Variants in CHN1 observed in about 807,000 individuals in gnomAD.
CHN1 encodes chimerin 1.
In CHN1, 37 loss-of-function variants were observed where a neutral mutation model predicts 59.5. The ratio of observed to expected loss-of-function variants is 0.62; its 90% CI spans 0.48 to 0.82. The LOEUF (loss-of-function observed/expected upper bound fraction) is 0.82, where lower values mean the gene tolerates loss of function less well. Among genes scored for constraint, CHN1 ranks in the 40% least tolerant of loss-of-function variants. The pLI is 0.00. For synonymous variants in CHN1, 206 were observed against 200.4 expected (o/e 1.03, Z -0.24); for missense variants, 469 against 571.0 (o/e 0.82, Z 1.82).
chr2:175,003,482 G>A (rs1258527469), intron 1 of CHN1, among the ~76,000 whole-genome samples: 1 of 152,108 alleles, frequency 6.6e-6, no homozygotes, highest in Non-Finnish European at 1.5e-5. Flanking sequence ...GCGAGTATTT[G>A]AAAAGTTGAC....
chr2:174,960,200 A>C (rs73031942), intron 1 of CHN1, among the ~76,000 whole-genome samples: 52 of 152,320 alleles, frequency 3.4e-4, no homozygotes, highest in African/African-American at 1.3e-3. Flanking sequence ...CAGCAGTTCT[A>C]TTTTTAGAAA....
intron 3 of CHN1, among the ~76,000 whole-genome samples, chr2:174,937,853 C>G (rs936585660): frequency 1.2e-4 from 19 of 152,130 alleles, no homozygotes; most frequent in African/African-American, 4.6e-4. Flanking sequence ...TCCACCATGA[C>G]TGTGAGCTTC....
chr2:174,859,171 G>C (rs1686996135), intron 6 of CHN1, among the ~76,000 whole-genome samples: 1 of 152,234 alleles, frequency 6.6e-6, no homozygotes, highest in Admixed American at 6.5e-5. Context: ...ACAGTGACTA[G>C]GGATGTGCAT....
At chr2:174,915,016 T>C in intron 5 of CHN1, 42 bp downstream of exon 5, 6 of 1,221,934 alleles carry the variant, frequency 4.9e-6, no homozygotes, top group Non-Finnish European at 7.0e-6. Context: ...ATTAAGAGAG[T>C]TTTAAATAAA....
At chr2:174,916,183 C>T (rs1189641365) in intron 4 of CHN1, among the ~76,000 whole-genome samples, 2 of 152,184 alleles carry the variant, frequency 1.3e-5, no homozygotes, top group East Asian at 3.9e-4. Context: ...ACAACACATT[C>T]ATACAAACTC....
At chr2:174,921,123 A>G in intron 3 of CHN1, 2 of 336,354 alleles carry the variant, frequency 5.9e-6, no homozygotes, top group Non-Finnish European at 1.3e-5. Context: ...CTCACCTACC[A>G]TTCACCTCCT....
rs1689782324 is a variant in CHN1 at position 174,944,956 on chromosome 2, A to G, written c.59-13T>C. 2 of 1,557,756 alleles carry G rather than the reference A, an allele frequency of 1.3e-6. No individual in the cohort carries two copies. The highest frequency in any genetic ancestry group is 1.7e-6 in the Non-Finnish European group (2 of 1,147,660). On this transcript the variant is annotated splice_polypyrimidine_tract_variant and intron_variant, in intron 2 of 12. Transcript: ENST00000409900. The stretch of plus-strand genomic sequence containing the variant: ...TGTAGCTGATATACTGTGAGAAGGT[A>G]GAAACAAAAAGTGTCAATGTCCCTT...
chr2:174,968,295 T>G (rs985113622), intron 1 of CHN1, among the ~76,000 whole-genome samples: 1 of 151,694 alleles, frequency 6.6e-6, no homozygotes. Context: ...ACTCAGTCAC[T>G]AAGGAAAAAA....
chr2:174,995,977 ATC>A (rs1188975480), intron 1 of CHN1, among the ~76,000 whole-genome samples: 1 of 152,124 alleles, frequency 6.6e-6, no homozygotes, highest in Non-Finnish European at 1.5e-5. Context: ...GTTACTGTTA[ATC>A]TCTTACTGTA....
At chr2:174,803,769 G>A (rs1383377999) in intron 11 of CHN1, among the ~76,000 whole-genome samples, 1 of 152,092 alleles carries the variant, frequency 6.6e-6, no homozygotes, top group Non-Finnish European at 1.5e-5. Flanking sequence ...GCCCAGGCTG[G>A]TCTCAAACTC....
chr2:174,987,854 A>G (rs1331521500), intron 1 of CHN1, among the ~76,000 whole-genome samples: 8 of 152,152 alleles, frequency 5.3e-5, no homozygotes, highest in Non-Finnish European at 1.2e-4. Flanking sequence ...TGGCAATTTT[A>G]TATAGATGTG....
At chr2:174,871,539 C>T (rs1402148126) in intron 6 of CHN1, among the ~76,000 whole-genome samples, 1 of 152,042 alleles carries the variant, frequency 6.6e-6, no homozygotes, top group East Asian at 1.9e-4. Context: ...GGGAAAAAAG[C>T]CTTGAAACTG....
chr2:174,891,827 C>A (rs1374381415), intron 5 of CHN1, among the ~76,000 whole-genome samples: 3 of 151,696 alleles, frequency 2.0e-5, no homozygotes, highest in African/African-American at 2.4e-5. Context: ...GGAAAAAAAA[C>A]CAACTATGAG....
intron 10 of CHN1, among the ~76,000 whole-genome samples, chr2:174,810,385 T>C (rs1359771323): frequency 6.6e-6 from 1 of 152,200 alleles, no homozygotes; most frequent in Admixed American, 6.5e-5. Context: ...AATCTGTTAC[T>C]GGTGTTTTCA....
intron 1 of CHN1, among the ~76,000 whole-genome samples, chr2:174,986,622 G>C (rs1691351047): frequency 6.6e-6 from 1 of 152,026 alleles, no homozygotes; most frequent in African/African-American, 2.4e-5. Context: ...CCTTAAGACA[G>C]TAAGACCAAC....
intron 7 of CHN1, among the ~76,000 whole-genome samples, chr2:174,835,622 T>C (rs1686050311): frequency 1.3e-5 from 2 of 151,970 alleles, no homozygotes; most frequent in South Asian, 2.1e-4. Flanking sequence ...ATATTTTGTA[T>C]TGTATTTTCT....
chr2:174,963,878 G>A lies in CHN1; in HGVS notation c.20-11676C>T, dbSNP rs573750921. Among the ~76,000 whole-genome samples, 20 of 152,246 alleles carry A rather than the reference G, an allele frequency of 1.3e-4. 1 individual carries two copies. In the South Asian group the frequency reaches 4.2e-3, roughly 32 times the overall value. On this transcript the variant is annotated intron_variant, in intron 1 of 12. Coordinates refer to ENST00000409900, the MANE Select transcript of CHN1 (RefSeq NM_001822.7). ...AAATTGCAGGTGGCAGCAAGGCCTG[G>A]GAAAGGGGAGAGAAGCTTCATGTCT...
At chr2:174,871,662 C>A (rs906729752) in intron 6 of CHN1, among the ~76,000 whole-genome samples, 2 of 152,118 alleles carry the variant, frequency 1.3e-5, no homozygotes, top group Admixed American at 1.3e-4. Flanking sequence ...AAGGCAAACT[C>A]AAATCAAAGT....
intron 7 of CHN1, among the ~76,000 whole-genome samples, chr2:174,830,400 G>A (rs1685838175): frequency 2.0e-5 from 3 of 152,122 alleles, no homozygotes; most frequent in African/African-American, 7.2e-5. Flanking sequence ...CTTACTATAG[G>A]AGTATCTTTA....
Sources: allele counts gnomAD v4.1 joint callset (sites outside exome capture counted in the v4.1 genomes callset), GRCh38; gene constraint gnomAD v4.1.1; transcripts MANE v1.5; gene names NCBI Gene and HGNC (gene_info 2026-07-23, HGNC 2026-07-21).